Variants in NRXN3 observed in about 807,000 individuals in gnomAD.
NRXN3 encodes neurexin III.
In NRXN3, 32 loss-of-function variants were observed where a neutral mutation model predicts 137.6. That is an observed-to-expected ratio of 0.23 (90% confidence interval 0.18 to 0.31). NRXN3 has a LOEUF of 0.31. Ranked by LOEUF, NRXN3 falls within the 10% of genes least tolerant of loss-of-function variation. The pLI is 1.00. For synonymous variants in NRXN3, 798 were observed against 784.5 expected, an observed-to-expected ratio of 1.02 and a Z score of -0.29; for missense variants, 1,574 against 2,062.5, an observed-to-expected ratio of 0.76 and a Z score of 4.59.
intron 17 of NRXN3, among the ~76,000 whole-genome samples, chr14:79,678,962 T>C (rs1028567329): frequency 6.6e-6 from 1 of 152,172 alleles, no homozygotes; most frequent in African/African-American, 2.4e-5. Flanking sequence ...TAACAATATG[T>C]ACTAGTTTAA....
chr14:78,278,808 TG>T, intron 3 of NRXN3, 146 bp downstream of exon 3: 2 of 688,356 alleles, frequency 2.9e-6, no homozygotes, highest in Non-Finnish European at 5.0e-6. Context: ...AGAAATGCAT[TG>T]AATTAATGGA....
rs558194638 is a variant in NRXN3 at position 78,544,404 on chromosome 14, G to C, written c.758-100716G>C. ...ACTTAGCTGCCCACAGTGAAAAGTAGCACCATGGACATCAAAGTGAACAAA... is the reference window on the plus strand; with the variant it reads ...ACTTAGCTGCCCACAGTGAAAAGTACCACCATGGACATCAAAGTGAACAAA... On this transcript the variant is annotated intron_variant, in intron 4 of 20. Transcript: ENST00000335750. Among the ~76,000 whole-genome samples the C allele has an allele frequency of 1.1e-4, 16 of 152,232 alleles. No homozygotes were observed. In the South Asian group the frequency reaches 3.1e-3, roughly 30 times the overall value.
At chr14:78,816,024 G>A (rs940912128) in intron 10 of NRXN3, among the ~76,000 whole-genome samples, 8 of 152,006 alleles carry the variant, frequency 5.3e-5, no homozygotes, top group Admixed American at 1.3e-4. Context: ...TCTTCATAAC[G>A]CATATTTTTG....
chr14:78,242,774 T>C lies in NRXN3; in HGVS notation c.-320T>C. The C allele has an allele frequency of 3.0e-6, 1 of 331,734 alleles. No individual in the cohort carries two copies. The highest frequency in any genetic ancestry group is 5.5e-6 in the Non-Finnish European group (1 of 181,756). 20.5% of individuals were successfully genotyped at this position (331,734 alleles called of 1,614,324 possible). A position where few individuals can be genotyped will look rare whatever the true frequency, so the allele number is the denominator to read the frequency against. On this transcript the variant is annotated 5_prime_UTR_variant, in exon 2 of 21. Transcript: ENST00000335750. ...TCCGGATCCACATGGATAGCTGAGA[T>C]CTTTTCTTGGAGAAAGACGCTTTCC...
intron 4 of NRXN3, among the ~76,000 whole-genome samples, chr14:78,446,995 G>A (rs1256960847): frequency 6.6e-6 from 1 of 152,138 alleles, no homozygotes; most frequent in Non-Finnish European, 1.5e-5. Flanking sequence ...GAGTGTTTCT[G>A]TCCATGGTGC....
At chr14:79,421,550 A>G (rs1184093429) in intron 15 of NRXN3, among the ~76,000 whole-genome samples, 2 of 152,208 alleles carry the variant, frequency 1.3e-5, no homozygotes, top group Admixed American at 1.3e-4. Flanking sequence ...CTAAGGTATA[A>G]GGAGCTGAAG....
chr14:78,569,490 C>G (rs1159672797), intron 4 of NRXN3, among the ~76,000 whole-genome samples: 1 of 151,964 alleles, frequency 6.6e-6, no homozygotes, highest in South Asian at 2.1e-4. Flanking sequence ...TGGTCTCAAT[C>G]TCCTGACCTC....
At chr14:78,282,898 C>A (rs2074609126) in intron 3 of NRXN3, among the ~76,000 whole-genome samples, 1 of 152,178 alleles carries the variant, frequency 6.6e-6, no homozygotes. Context: ...CACAGGGCGA[C>A]CTGCAGAACC....
chr14:79,435,593 TACACACACAC>T lies in NRXN3; in HGVS notation c.3263-31600_3263-31591del, dbSNP rs35554281. On this transcript the variant is annotated intron_variant, in intron 15 of 20. Coordinates refer to ENST00000335750, the MANE Select transcript of NRXN3 (RefSeq NM_001330195.2). ...TTGGCAAGGATGTAGAACACTAAGA[TACACACACAC>T]ACACACACACACACACACACACACA... 7.6e-4 allele frequency among the ~76,000 whole-genome samples: 109 copies of T among 143,918 alleles called. 1 individual carries two copies. The highest frequency in any genetic ancestry group is 2.4e-3 in the African/African-American group (95 of 38,920). The allele number at this position is 143,918 out of a possible 152,430, so 94.4% of individuals were successfully genotyped here. A position where few individuals can be genotyped will look rare whatever the true frequency, so the allele number is the denominator to read the frequency against.
At chr14:78,552,851 T>A (rs2096705729) in intron 4 of NRXN3, among the ~76,000 whole-genome samples, 1 of 152,150 alleles carries the variant, frequency 6.6e-6, no homozygotes, top group East Asian at 1.9e-4. Context: ...TAGAAGAGAA[T>A]AATTTGAATG....
chr14:79,239,595 A>G (rs74067931), intron 15 of NRXN3, among the ~76,000 whole-genome samples: 7,499 of 152,160 alleles, frequency 0.049, 467 homozygotes, highest in African/African-American at 0.14. Flanking sequence ...ATGTATGGAG[A>G]TTCCTCATAA....
chr14:79,746,995 AC>A (rs1016608699), intron 19 of NRXN3, among the ~76,000 whole-genome samples: 2 of 152,072 alleles, frequency 1.3e-5, no homozygotes, highest in African/African-American at 4.8e-5. Flanking sequence ...AGCTACCTAC[AC>A]CTGTATTTTC....
At chr14:79,232,255 C>T (rs577655463) in intron 15 of NRXN3, among the ~76,000 whole-genome samples, 18 of 151,916 alleles carry the variant, frequency 1.2e-4, no homozygotes, top group East Asian at 3.9e-4. Context: ...TGTGTGTGCG[C>T]GCGCACGTGT....
chr14:79,852,414 C>T (rs1264311433), intron 20 of NRXN3, among the ~76,000 whole-genome samples: 1 of 152,104 alleles, frequency 6.6e-6, no homozygotes, highest in African/African-American at 2.4e-5. Context: ...CTAATCCTAG[C>T]TTGCTGTTCT....
chr14:78,484,333 C>A (rs887935116), intron 4 of NRXN3, among the ~76,000 whole-genome samples: 1 of 152,202 alleles, frequency 6.6e-6, no homozygotes, highest in African/African-American at 2.4e-5. Flanking sequence ...CTTTGGCCTA[C>A]TACCCTTTTG....
chr14:79,707,914 T>TAAGAA (rs2098787594), intron 19 of NRXN3, among the ~76,000 whole-genome samples: 2 of 152,286 alleles, frequency 1.3e-5, no homozygotes, highest in South Asian at 4.1e-4. Flanking sequence ...ATTATTGCTA[T>TAAGAA]AAGAATTACG....
chr14:79,364,800 C>T (rs1423358103), intron 15 of NRXN3, among the ~76,000 whole-genome samples: 2 of 152,098 alleles, frequency 1.3e-5, no homozygotes, highest in African/African-American at 4.8e-5. Flanking sequence ...CATAAATCTT[C>T]AGGTGGTAAG....
chr14:78,925,011 CA>C (rs1296423709), intron 10 of NRXN3, among the ~76,000 whole-genome samples: 1 of 152,104 alleles, frequency 6.6e-6, no homozygotes, highest in African/African-American at 2.4e-5. Flanking sequence ...TTTATAATTC[CA>C]ATAGCAATGG....
At chr14:79,738,822 G>A in intron 19 of NRXN3, among the ~76,000 whole-genome samples, 1 of 152,104 alleles carries the variant, frequency 6.6e-6, no homozygotes, top group Non-Finnish European at 1.5e-5. Context: ...GCCTCCCCAA[G>A]TGCTGGGATT....
Sources: allele counts gnomAD v4.1 joint callset (sites outside exome capture counted in the v4.1 genomes callset), GRCh38; gene constraint gnomAD v4.1.1; transcripts MANE v1.5; gene names NCBI Gene and HGNC (gene_info 2026-07-23, HGNC 2026-07-21).